Variants in SH3PXD2B observed in about 807,000 individuals in gnomAD.
SH3PXD2B encodes the protein SH3 and PX domains 2B.
A neutral mutation model predicts 73.1 loss-of-function variants in SH3PXD2B; 37 were observed. The observed-to-expected ratio is 0.51, with a 90% CI of 0.39 to 0.67. SH3PXD2B has a LOEUF of 0.67. Among genes scored for constraint, SH3PXD2B ranks in the 30% least tolerant of loss-of-function variants. The probability of loss-of-function intolerance (pLI) is 0.00; values close to 1 mark genes in which losing one functional copy is unlikely to be tolerated. For missense variants in SH3PXD2B, 1,053 were observed against 1,197.8 expected (o/e 0.88, Z 1.78); for synonymous variants, 457 against 480.5 (o/e 0.95, Z 0.64).
chr5:172,390,103 G>A (rs965030715), intron 4 of SH3PXD2B, among the ~76,000 whole-genome samples: 3 of 152,116 alleles, frequency 2.0e-5, no homozygotes, highest in African/African-American at 7.2e-5. Context: ...ATGTTATTTG[G>A]TAAATTACAG....
chr5:172,364,407 G>A (rs2113326421), intron 6 of SH3PXD2B, among the ~76,000 whole-genome samples: 1 of 152,292 alleles, frequency 6.6e-6, no homozygotes, highest in East Asian at 1.9e-4. Flanking sequence ...GCTCATGTCT[G>A]TAATCCCAGC....
At chr5:172,396,579 T>C (rs1265632767) in intron 3 of SH3PXD2B, among the ~76,000 whole-genome samples, 1 of 150,792 alleles carries the variant, frequency 6.6e-6, no homozygotes, top group Non-Finnish European at 1.5e-5. Flanking sequence ...ATTTGGAAAC[T>C]AGGTAGACAA....
rs1002691005 is a variant in SH3PXD2B, at chr5:172,445,834, C to T, written c.75+8444G>A. On this transcript the variant is annotated intron_variant, in intron 1 of 12. Coordinates refer to ENST00000311601, the MANE Select transcript of SH3PXD2B (RefSeq NM_001017995.3). This position sits in a 1 kb window ranked among gnomAD's most constrained non-coding sequence, Gnocchi z 5.2. ...AGAAGACCCTGGGCTGAGAGTCATG[C>T]CCGCCTGCAGGTGTGCATCTGGGCC... is the stretch of plus-strand genomic sequence containing the variant. 3.3e-5 allele frequency among the ~76,000 whole-genome samples: 5 copies of T among 152,216 alleles called. No homozygotes were observed. Among genetic ancestry groups the T allele is most frequent in the Admixed American group, 1.3e-4 (2 of 15,282 alleles).
chr5:172,408,631 C>A (rs534734752), intron 2 of SH3PXD2B, among the ~76,000 whole-genome samples: 3 of 149,052 alleles, frequency 2.0e-5, no homozygotes, highest in Non-Finnish European at 4.4e-5. Flanking sequence ...CTCCACCTCC[C>A]AGGTTCAAGA....
At chr5:172,362,191 C>T (rs900561286) in intron 7 of SH3PXD2B, among the ~76,000 whole-genome samples, 2 of 144,798 alleles carry the variant, frequency 1.4e-5, no homozygotes, top group African/African-American at 5.2e-5. Flanking sequence ...GATAAGAAAA[C>T]GAACAGTCAG....
intron 6 of SH3PXD2B, among the ~76,000 whole-genome samples, chr5:172,363,335 A>G (rs1231785500): frequency 6.6e-6 from 1 of 152,194 alleles, no homozygotes; most frequent in African/African-American, 2.4e-5. Flanking sequence ...CTATTAATCT[A>G]TGAAATCACC....
chr5:172,440,683 G>C (rs532944265), intron 1 of SH3PXD2B, among the ~76,000 whole-genome samples: 4 of 152,160 alleles, frequency 2.6e-5, no homozygotes, highest in African/African-American at 9.7e-5. Flanking sequence ...ACCAGGTCCC[G>C]GGCCGAGGCG....
chr5:172,414,118 A>G (rs190079827), intron 2 of SH3PXD2B, among the ~76,000 whole-genome samples: 2 of 152,300 alleles, frequency 1.3e-5, no homozygotes, highest in East Asian at 3.9e-4. Flanking sequence ...TAAAAAGTAC[A>G]CTTGGGGCTG....
intron 6 of SH3PXD2B, 82 bp downstream of exon 6, chr5:172,373,708 C>T: frequency 1.4e-6 from 2 of 1,473,894 alleles, no homozygotes; most frequent in Admixed American, 3.8e-5. Context: ...CAGCATGGAA[C>T]CCAGAGCCTG....
At chr5:172,413,405 C>T (rs115062943) in intron 2 of SH3PXD2B, among the ~76,000 whole-genome samples, 1,833 of 152,342 alleles carry the variant, frequency 0.012, 38 homozygotes, top group African/African-American at 0.042. Flanking sequence ...ACTTACTGCT[C>T]CCCCTAAGTC....
intron 3 of SH3PXD2B, among the ~76,000 whole-genome samples, chr5:172,400,388 T>C (rs984341448): frequency 9.9e-5 from 15 of 152,240 alleles, no homozygotes; most frequent in African/African-American, 3.4e-4. Context: ...TGGAGGCTAC[T>C]TATTTTATTT....
At chr5:172,444,832 C>G (rs1411837518) in intron 1 of SH3PXD2B, among the ~76,000 whole-genome samples, 1 of 152,158 alleles carries the variant, frequency 6.6e-6, no homozygotes, top group Non-Finnish European at 1.5e-5. Flanking sequence ...CTGCCTCTGG[C>G]CCCGAGCCCT....
intron 8 of SH3PXD2B, among the ~76,000 whole-genome samples, chr5:172,356,470 C>A (rs1205812844): frequency 6.6e-6 from 1 of 152,262 alleles, no homozygotes; most frequent in Non-Finnish European, 1.5e-5. Context: ...CCACAGGCAT[C>A]ATTTTTAACC....
At chr5:172,374,358 A>C (rs1476936401) in intron 5 of SH3PXD2B, among the ~76,000 whole-genome samples, 1 of 152,200 alleles carries the variant, frequency 6.6e-6, no homozygotes, top group Admixed American at 6.5e-5. Flanking sequence ...TGAGTCCCTT[A>C]CCGTCGTCAC....
At chr5:172,330,752 T>C (rs2113221554), downstream of SH3PXD2B, among the ~76,000 whole-genome samples, 1 of 152,374 alleles carries the variant, frequency 6.6e-6, no homozygotes, top group East Asian at 1.9e-4. Context: ...ATCCTCTTAC[T>C]AGCTGTGGCC....
chr5:172,367,810 G>A (rs939604295), intron 6 of SH3PXD2B, among the ~76,000 whole-genome samples: 11 of 152,076 alleles, frequency 7.2e-5, no homozygotes, highest in Non-Finnish European at 1.6e-4. Flanking sequence ...TGGTTGAAAT[G>A]TCAATGTGAT....
intron 2 of SH3PXD2B, among the ~76,000 whole-genome samples, chr5:172,417,793 G>A (rs1045976873): frequency 6.6e-6 from 1 of 152,160 alleles, no homozygotes; most frequent in African/African-American, 2.4e-5. Context: ...CTTTTACACT[G>A]AGATATACTT....
At chr5:172,374,955 A>C (rs1757791150) in intron 5 of SH3PXD2B, among the ~76,000 whole-genome samples, 1 of 152,242 alleles carries the variant, frequency 6.6e-6, no homozygotes, top group Admixed American at 6.5e-5. Context: ...AGGAACAGAG[A>C]GGCTAAGTAA....
At chr5:172,434,796 T>TTTTTTGTTTTA (rs1759333902) in intron 1 of SH3PXD2B, among the ~76,000 whole-genome samples, 1 of 56,992 alleles carries the variant, frequency 1.8e-5, no homozygotes, top group Non-Finnish European at 3.9e-5. Context: ...TTTTTTTTTT[T>TTTTTTGTTTTA]TTTTTCAGAC....
Sources: allele counts gnomAD v4.1 joint callset (sites outside exome capture counted in the v4.1 genomes callset), GRCh38; gene constraint gnomAD v4.1.1; non-coding constraint Gnocchi (gnomAD v3.1); transcripts MANE v1.5; gene names NCBI Gene and HGNC (gene_info 2026-07-23, HGNC 2026-07-21).